The following COMMD10 variants were observed in gnomAD, a reference collection of about 807,000 sequenced individuals.
The protein encoded by COMMD10 is COMM domain containing 10.
Under a neutral mutation model 28.9 loss-of-function variants are expected in COMMD10, and 33 were observed. That is an observed-to-expected ratio of 1.14 (90% CI 0.87 to 1.53). COMMD10 has a LOEUF of 1.53. Among genes scored for constraint, COMMD10 ranks in the 40% most tolerant of loss-of-function variants. The probability of loss-of-function intolerance (pLI) is 0.00; values close to 1 mark genes in which losing one functional copy is unlikely to be tolerated. For missense variants in COMMD10, 310 were observed against 233.4 expected, an observed-to-expected ratio of 1.33 and a Z score of -2.14; for synonymous variants, 110 against 81.7, an observed-to-expected ratio of 1.35 and a Z score of -1.87.
chr5:116,143,270 G>C (rs1282747589), intron 5 of COMMD10, among the ~76,000 whole-genome samples: 1 of 151,394 alleles, frequency 6.6e-6, no homozygotes, highest in African/African-American at 2.4e-5. Flanking sequence ...TCCATAATAA[G>C]ATTTTATAAG....
At chr5:116,271,789 A>T (rs1031772872) in intron 5 of COMMD10, among the ~76,000 whole-genome samples, 2 of 151,896 alleles carry the variant, frequency 1.3e-5, no homozygotes, top group African/African-American at 4.9e-5. Flanking sequence ...GGAAACTCTT[A>T]GGCCATTATT....
intron 4 of COMMD10, among the ~76,000 whole-genome samples, chr5:116,108,938 G>A (rs1261413117): frequency 1.3e-5 from 2 of 152,100 alleles, no homozygotes; most frequent in East Asian, 1.9e-4. Context: ...GCTTCCCTTG[G>A]CTGGGGAAGG....
At chr5:116,243,175 C>T (rs1345768616) in intron 5 of COMMD10, among the ~76,000 whole-genome samples, 1 of 152,100 alleles carries the variant, frequency 6.6e-6, no homozygotes, top group Non-Finnish European at 1.5e-5. Flanking sequence ...TAGAAAAGTA[C>T]AGTTGTAAAC....
chr5:116,155,512 T>G (rs950558056), intron 5 of COMMD10, among the ~76,000 whole-genome samples: 16 of 152,254 alleles, frequency 1.1e-4, no homozygotes, highest in African/African-American at 3.8e-4. Flanking sequence ...TAGATAAATG[T>G]ATTTTTGTAA....
intron 5 of COMMD10, among the ~76,000 whole-genome samples, chr5:116,156,369 CA>C (rs1443036249): frequency 1.3e-5 from 2 of 152,090 alleles, no homozygotes; most frequent in Non-Finnish European, 2.9e-5. Context: ...AGGTGCCTCA[CA>C]AGGTTTTTCT....
chr5:116,249,500 A>G (rs1372002702), intron 5 of COMMD10, among the ~76,000 whole-genome samples: 1 of 151,990 alleles, frequency 6.6e-6, no homozygotes, highest in Non-Finnish European at 1.5e-5. Flanking sequence ...ATAAAGTACT[A>G]AAGTATTAAT....
At chr5:116,215,788 C>G (rs1749084621) in intron 5 of COMMD10, among the ~76,000 whole-genome samples, 1 of 145,524 alleles carries the variant, frequency 6.9e-6, no homozygotes, top group Admixed American at 6.9e-5. Flanking sequence ...GCATTTTCTC[C>G]TCTTCTCATT....
chr5:116,086,100 T>C (rs577507931), intron 1 of COMMD10, among the ~76,000 whole-genome samples: 1 of 152,278 alleles, frequency 6.6e-6, no homozygotes, highest in East Asian at 1.9e-4. Flanking sequence ...CTCTAGAGGA[T>C]TCCATTGGTT....
chr5:116,256,170 TAAG>T (rs1000633340), intron 5 of COMMD10, among the ~76,000 whole-genome samples: 7 of 151,686 alleles, frequency 4.6e-5, no homozygotes, highest in African/African-American at 9.7e-5. Flanking sequence ...AGTGGTTATC[TAAG>T]AAGAAGAAAA....
intron 4 of COMMD10, among the ~76,000 whole-genome samples, chr5:116,118,002 G>A (rs890208002): frequency 6.6e-6 from 1 of 152,004 alleles, no homozygotes; most frequent in African/African-American, 2.4e-5. Context: ...TCTTACAATT[G>A]TCTTTAAGGA....
intron 5 of COMMD10, among the ~76,000 whole-genome samples, chr5:116,179,658 T>G (rs1169697881): frequency 6.6e-6 from 1 of 152,174 alleles, no homozygotes. Context: ...AACCTGGGCC[T>G]GGATTGAAGC....
intron 5 of COMMD10, among the ~76,000 whole-genome samples, chr5:116,261,436 A>G (rs1275841374): frequency 1.3e-5 from 2 of 151,570 alleles, no homozygotes; most frequent in South Asian, 2.1e-4. Context: ...ATTTTTTGGT[A>G]AGGCTAGGAG....
At chr5:116,142,424 C>A (rs533764663) in intron 5 of COMMD10, among the ~76,000 whole-genome samples, 9 of 151,690 alleles carry the variant, frequency 5.9e-5, no homozygotes, top group East Asian at 3.9e-4. Flanking sequence ...ATTAGAGAAG[C>A]CTTCTTAGGA....
At chr5:116,107,559 A>T (rs1750882261) in intron 4 of COMMD10, among the ~76,000 whole-genome samples, 3 of 152,052 alleles carry the variant, frequency 2.0e-5, no homozygotes, top group African/African-American at 7.2e-5. Context: ...TAATCTGGTT[A>T]TTCTAGTTAG....
At chr5:116,151,665 C>G (rs1397898540) in intron 5 of COMMD10, among the ~76,000 whole-genome samples, 4 of 152,126 alleles carry the variant, frequency 2.6e-5, no homozygotes, top group Non-Finnish European at 5.9e-5. Flanking sequence ...GTAGTATTCT[C>G]TGATGGTACT....
intron 5 of COMMD10, among the ~76,000 whole-genome samples, chr5:116,222,703 A>G (rs1042142528): frequency 9.2e-5 from 14 of 152,016 alleles, no homozygotes; most frequent in African/African-American, 3.4e-4. Context: ...TTTGTTTATT[A>G]TTTTTTGAGA....
At chr5:116,134,519 T>A (rs1259156348) in intron 5 of COMMD10, among the ~76,000 whole-genome samples, 2 of 152,260 alleles carry the variant, frequency 1.3e-5, no homozygotes, top group African/African-American at 4.8e-5. Flanking sequence ...GTTGTCCAGC[T>A]AGAGCCTGGA....
chr5:116,130,942 G>T (rs1316604781), intron 4 of COMMD10, among the ~76,000 whole-genome samples: 2 of 151,938 alleles, frequency 1.3e-5, no homozygotes, highest in Non-Finnish European at 2.9e-5. Context: ...ATAGTTTCTT[G>T]TGTGATGATA....
At chr5:116,276,870 G>C (rs149806663) in intron 5 of COMMD10, among the ~76,000 whole-genome samples, 21 of 151,846 alleles carry the variant, frequency 1.4e-4, no homozygotes, top group East Asian at 1.2e-3. Flanking sequence ...GAGGGAGCAG[G>C]GGGTAAGACA....
Sources: allele counts gnomAD v4.1 joint callset (sites outside exome capture counted in the v4.1 genomes callset), GRCh38; gene constraint gnomAD v4.1.1; transcripts MANE v1.5; gene names NCBI Gene and HGNC (gene_info 2026-07-23, HGNC 2026-07-21).